ADARB2: variants seen among roughly 807,000 people sequenced by gnomAD.
The protein encoded by ADARB2 is inactive double-stranded RNA-specific editase B2.
ADARB2 carries 25 observed loss-of-function variants against 62.2 expected under a neutral mutation model. The observed-to-expected ratio is 0.40, with a 90% CI of 0.29 to 0.56. ADARB2 has a LOEUF of 0.56. ADARB2 is among the 20% of genes least tolerant of loss of function. ADARB2 has a pLI of 0.43. For synonymous variants in ADARB2, 572 were observed against 500.8 expected (o/e 1.14, Z -1.90); for missense variants, 1,071 against 1,077.4 (o/e 0.99, Z 0.08).
At chr10:1,562,590 C>G (rs1275019472) in intron 1 of ADARB2, among the ~76,000 whole-genome samples, 1 of 152,224 alleles carries the variant, frequency 6.6e-6, no homozygotes, top group Non-Finnish European at 1.5e-5. Flanking sequence ...TGTGATAAGG[C>G]CTAGCATATA....
rs183444308 is a variant in ADARB2 at position 1,418,891 on chromosome 10, C to T, written c.101-39731G>A. 3.2e-3 allele frequency among the ~76,000 whole-genome samples: 482 copies of T among 152,218 alleles called. 2 individuals are homozygous for T. Among genetic ancestry groups the T allele is most frequent in the Non-Finnish European group, 5.6e-3 (384 of 68,026 alleles). The stretch of plus-strand genomic sequence containing the variant: ...GAAAATTTCCCTTTTCTGTTTTGTG[C>T]GTGCTGTCGGAAACCAGCCAAGTGT... On this transcript the variant is annotated intron_variant, in intron 1 of 9. Coordinates refer to ENST00000381312, the MANE Select transcript of ADARB2 (RefSeq NM_018702.4).
intron 1 of ADARB2, among the ~76,000 whole-genome samples, chr10:1,732,059 G>A (rs1835240112): frequency 6.6e-6 from 1 of 151,986 alleles, no homozygotes. Context: ...TTGGTTTTAG[G>A]AGTTGTTCAA....
In ADARB2 at chr10:1,296,053, A is replaced by G. The variant is rs532680978; in HGVS notation, c.1078-24984T>C. Among the ~76,000 whole-genome samples the G allele has an allele frequency of 2.6e-5, 4 of 151,900 alleles. No individual in the cohort carries two copies. The South Asian group carries it at 8.3e-4, about 32-fold the overall frequency. On this transcript the variant is annotated intron_variant, in intron 3 of 9. Transcript: ENST00000381312. ...TGGGGTCAGGCCCGCTCCATGTGCA[A>G]CTCCCTTTGGATCAGCCCCTCTGGA...
chr10:1,523,387 C>T (rs1184004228), intron 1 of ADARB2, among the ~76,000 whole-genome samples: 2 of 152,184 alleles, frequency 1.3e-5, no homozygotes, highest in Non-Finnish European at 2.9e-5. Flanking sequence ...GGCTCGGTTA[C>T]AGGGTTAAGT....
intron 1 of ADARB2, among the ~76,000 whole-genome samples, chr10:1,578,502 G>T (rs1833050852): frequency 6.6e-6 from 1 of 152,188 alleles, no homozygotes; most frequent in Non-Finnish European, 1.5e-5. Context: ...AGCTGTGCTG[G>T]TGCAAAGGCA....
intron 6 of ADARB2, among the ~76,000 whole-genome samples, chr10:1,231,139 G>A (rs1312145826): frequency 6.6e-6 from 1 of 152,118 alleles, no homozygotes; most frequent in Non-Finnish European, 1.5e-5. Context: ...GGCTCCTGCT[G>A]TTCTCACTCA....
intron 1 of ADARB2, among the ~76,000 whole-genome samples, chr10:1,459,942 G>GTAACAAACCTGCCTGTGACCTGAGT (rs1831147859): frequency 6.9e-6 from 1 of 145,230 alleles, no homozygotes. Flanking sequence ...GTTTACCTGC[G>GTAACAAACCTGCCTGTGACCTGAGT]TTACGAACCT....
At chr10:1,340,723 C>G (rs1832016682) in intron 3 of ADARB2, among the ~76,000 whole-genome samples, 1 of 144,082 alleles carries the variant, frequency 6.9e-6, no homozygotes, top group Non-Finnish European at 1.5e-5. Context: ...ACGCGCCCCA[C>G]AGCGGCAATA....
chr10:1,654,839 C>G (rs553835319), intron 1 of ADARB2, among the ~76,000 whole-genome samples: 3 of 152,328 alleles, frequency 2.0e-5, no homozygotes, highest in East Asian at 3.9e-4. Context: ...ATCACTGCAG[C>G]CCCTTCCCAG....
intron 6 of ADARB2, among the ~76,000 whole-genome samples, chr10:1,232,405 G>A (rs570879096): frequency 6.7e-6 from 1 of 149,622 alleles, no homozygotes; most frequent in South Asian, 2.1e-4. Flanking sequence ...GCATGTGCTT[G>A]TGGCATGTGT....
chr10:1,690,418 C>T (rs543300857), intron 1 of ADARB2, among the ~76,000 whole-genome samples: 12 of 152,138 alleles, frequency 7.9e-5, no homozygotes. Context: ...GAAATAAAAA[C>T]TCTGCATTTG....
chr10:1,415,073 G>T (rs1832790899), intron 1 of ADARB2, among the ~76,000 whole-genome samples: 2 of 151,630 alleles, frequency 1.3e-5, no homozygotes, highest in African/African-American at 4.9e-5. Flanking sequence ...TCATGGGTGG[G>T]TGGATGGATG....
chr10:1,600,564 A>G (rs1833398125), intron 1 of ADARB2, among the ~76,000 whole-genome samples: 1 of 148,156 alleles, frequency 6.7e-6, no homozygotes, highest in Non-Finnish European at 1.5e-5. Flanking sequence ...CCGAAGTCCG[A>G]GTCATGAGGA....
chr10:1,329,756 C>T (rs985570813), intron 3 of ADARB2, among the ~76,000 whole-genome samples: 1 of 152,120 alleles, frequency 6.6e-6, no homozygotes, highest in Non-Finnish European at 1.5e-5. Context: ...AGCCGCGAAC[C>T]ACCTGGGGGC....
intron 1 of ADARB2, among the ~76,000 whole-genome samples, chr10:1,573,660 T>A (rs971557651): frequency 6.6e-6 from 1 of 152,144 alleles, no homozygotes; most frequent in Admixed American, 6.5e-5. Flanking sequence ...GAGCTCAGTG[T>A]CCTTGGGAGG....
chr10:1,520,217 A>G (rs926965776), intron 1 of ADARB2, among the ~76,000 whole-genome samples: 4 of 152,228 alleles, frequency 2.6e-5, no homozygotes, highest in African/African-American at 9.6e-5. Flanking sequence ...TGTTAGGTTA[A>G]AAATCCAGTT....
In ADARB2 at chr10:1,214,099, G is replaced by A. The variant is rs567489607; in HGVS notation, c.1682+2852C>T. On this transcript the variant is annotated intron_variant, in intron 7 of 9. Transcript: ENST00000381312. ...TAGGTTTGCACCTGTGTCCAGCATC[G>A]TGTAGGTTTGCACCTGTGTCCAGCG... 2.0e-4 allele frequency among the ~76,000 whole-genome samples: 22 copies of A among 111,066 alleles called. 1 individual carries two copies. The South Asian group carries it at 5.1e-3, about 26-fold the overall frequency. 72.9% of individuals were successfully genotyped at this position (111,066 alleles called of 152,430 possible).
intron 1 of ADARB2, among the ~76,000 whole-genome samples, chr10:1,390,756 A>G (rs951219672): frequency 6.6e-6 from 1 of 152,254 alleles, no homozygotes; most frequent in Non-Finnish European, 1.5e-5. Flanking sequence ...TTCAGAGCCA[A>G]CTTTGGATTT....
intron 5 of ADARB2, among the ~76,000 whole-genome samples, chr10:1,234,900 CACCAT>C (rs1830849989): frequency 6.6e-6 from 1 of 151,992 alleles, no homozygotes; most frequent in Non-Finnish European, 1.5e-5. Context: ...AGGTGCATGC[CACCAT>C]ACCCAGCTAA....
Sources: gnomAD v4.1 joint callset for allele counts (sites outside exome capture counted in the v4.1 genomes callset) on GRCh38, gnomAD v4.1.1 for gene constraint, MANE v1.5 for transcripts, NCBI Gene and HGNC (gene_info 2026-07-23, HGNC 2026-07-21) for gene names.